The following PSG8 variants were observed in gnomAD, a reference collection of about 807,000 sequenced individuals.
The protein encoded by PSG8 is pregnancy specific beta-1-glycoprotein 8, also known as pregnancy-specific beta-1-glycoprotein 8.
A neutral mutation model predicts 42.5 loss-of-function variants in PSG8; 57 were observed. That is an observed-to-expected ratio of 1.34 (90% CI 1.08 to 1.67). PSG8 has a LOEUF of 1.67. PSG8 is among the 40% of genes most tolerant of loss of function. The probability of loss-of-function intolerance (pLI) is 0.00; values close to 1 mark genes in which losing one functional copy is unlikely to be tolerated. For synonymous variants in PSG8, 280 were observed against 196.8 expected, an observed-to-expected ratio of 1.42 and a Z score of -3.54; for missense variants, 783 against 518.6, an observed-to-expected ratio of 1.51 and a Z score of -4.95.
intron 2 of PSG8, among the ~76,000 whole-genome samples, chr19:42,761,225 G>A (rs1970065164): frequency 6.6e-6 from 1 of 152,096 alleles, no homozygotes; most frequent in Non-Finnish European, 1.5e-5. Context: ...GCTAACCTTG[G>A]GAGGAATTTA....
At position 42,754,358 on chromosome 19, in the gene PSG8, G is replaced by T. The variant is rs1969855937; in HGVS notation, c.1218C>A (p.Ser406=). 2 of 1,613,814 alleles carry T rather than the reference G, an allele frequency of 1.2e-6. No individual in the cohort carries two copies. The highest frequency in any genetic ancestry group is 1.7e-6 in the Non-Finnish European group (2 of 1,179,796). The part of the protein sequence containing the change: ...VRNSATGKES[S]KSMTVKVSGK... Reference sequence around the variant, plus strand: ...CAGAGACTTTTACTGTCATGGATTTGGAGCTTTCCTTGCCAGTGGCTGAGT... The same window carrying T: ...CAGAGACTTTTACTGTCATGGATTTTGAGCTTTCCTTGCCAGTGGCTGAGT... Residue 406 remains serine (S), a synonymous_variant, in exon 5 of 5, where the codon TCC becomes TCA. Coordinates refer to ENST00000306511, the MANE Select transcript of PSG8 (RefSeq NM_182707.3).
chr19:42,754,067 A>G (rs1268749769), downstream of PSG8: 15 of 1,079,184 alleles, frequency 1.4e-5, no homozygotes, highest in Admixed American at 5.6e-5. Flanking sequence ...AATCATAAAA[A>G]CATTATCCTC....
chr19:42,764,967 C>T (rs191134744), intron 1 of PSG8, among the ~76,000 whole-genome samples: 4 of 152,038 alleles, frequency 2.6e-5, no homozygotes, highest in East Asian at 1.9e-4. Flanking sequence ...TCATCTGATA[C>T]AGTTATTATT....
At chr19:42,765,178 A>G (rs1275794585) in intron 1 of PSG8, among the ~76,000 whole-genome samples, 3 of 142,150 alleles carry the variant, frequency 2.1e-5, no homozygotes, top group Non-Finnish European at 4.5e-5. Context: ...TTTGAGATGG[A>G]GTCTCATACT....
chr19:42,757,980 C>G, intron 3 of PSG8, 22 bp downstream of exon 3: 1 of 1,614,030 alleles, frequency 6.2e-7, no homozygotes, highest in South Asian at 1.1e-5. Flanking sequence ...GCCTGGCTCA[C>G]AGAGGAACAG....
In PSG8 at chr19:42,754,347, G is replaced by C. The variant is rs753777211; in HGVS notation, c.1229C>G (p.Thr410Arg). ...ATGKESSKSM[T>R]VKVSGKRIPV... is the part of the protein sequence containing the mutation. ...GATCCGCTTACCAGAGACTTTTACT[G>C]TCATGGATTTGGAGCTTTCCTTGCC... Residue 410 changes from threonine to arginine, a missense_variant, in exon 5 of 5, where the codon ACA (threonine) becomes AGA (arginine). By Grantham distance (71) the Thr-to-Arg change is moderately conservative (BLOSUM62 -1). Transcript: ENST00000306511. 1.3e-5 allele frequency: 21 copies of C among 1,613,812 alleles called. No individual in the cohort carries two copies. In the East Asian group the frequency reaches 4.7e-4, roughly 36 times the overall value.
intron 2 of PSG8, among the ~76,000 whole-genome samples, chr19:42,762,397 A>G (rs1017203844): frequency 1.3e-5 from 2 of 152,082 alleles, no homozygotes; most frequent in Admixed American, 1.3e-4. Context: ...GGGTGGCTTT[A>G]GGGGCAAGAG....
At chr19:42,763,217 G>T (rs1447589691) in intron 2 of PSG8, among the ~76,000 whole-genome samples, 2 of 151,120 alleles carry the variant, frequency 1.3e-5, no homozygotes, top group South Asian at 4.1e-4. Flanking sequence ...CTTCTCTCTT[G>T]TGTTTCTGCT....
intron 3 of PSG8, among the ~76,000 whole-genome samples, chr19:42,756,621 C>T (rs1399104053): frequency 6.6e-6 from 1 of 151,940 alleles, no homozygotes; most frequent in Non-Finnish European, 1.5e-5. Context: ...ATATTCTTGC[C>T]CTTTTTTTTT....
intron 2 of PSG8, among the ~76,000 whole-genome samples, chr19:42,761,001 A>G (rs940686652): frequency 6.6e-6 from 1 of 152,182 alleles, no homozygotes; most frequent in Non-Finnish European, 1.5e-5. Context: ...GTCTCTAGGA[A>G]GTGACCAGAG....
At chr19:42,755,811 A>T (rs940075362) in intron 3 of PSG8, 8 of 160,880 alleles carry the variant, frequency 5.0e-5, no homozygotes, top group African/African-American at 1.7e-4. Flanking sequence ...ACCAGAATCA[A>T]GCCTGGAGGT....
intron 2 of PSG8, chr19:42,758,585 C>A (rs1419701370): frequency 1.3e-5 from 6 of 477,202 alleles, no homozygotes; most frequent in Admixed American, 3.6e-5. Context: ...CCGTCTCCAA[C>A]TGCCTGCCTG....
chr19:42,762,722 A>G (rs748058116), intron 2 of PSG8, among the ~76,000 whole-genome samples: 8 of 152,012 alleles, frequency 5.3e-5, no homozygotes, highest in South Asian at 2.1e-4. Flanking sequence ...GGAGGCCTGG[A>G]CATGTTTTTT....
intron 2 of PSG8, 130 bp from the exon 3 acceptor site, chr19:42,758,410 T>C (rs1171526587): frequency 6.6e-7 from 1 of 1,515,654 alleles, no homozygotes. Flanking sequence ...GGCAGGTGTG[T>C]GTGTTGCAAG....
At chr19:42,757,289 C>A (rs185316180) in intron 3 of PSG8, among the ~76,000 whole-genome samples, 2 of 152,184 alleles carry the variant, frequency 1.3e-5, no homozygotes, top group African/African-American at 4.8e-5. Flanking sequence ...TCCCTGATAA[C>A]TAGATAGACT....
At chr19:42,764,396 A>T in intron 1 of PSG8, 115 bp from the exon 2 acceptor site, 1 of 1,476,134 alleles carries the variant, frequency 6.8e-7, no homozygotes. Flanking sequence ...ACACAGACAC[A>T]CACACATACA....
chr19:42,753,810 A>T, downstream of PSG8: 1 of 433,246 alleles, frequency 2.3e-6, no homozygotes, highest in South Asian at 1.8e-5. Flanking sequence ...GTGTCCTGTT[A>T]CAAAGAGAGC....
downstream of PSG8, chr19:42,754,045 T>C (rs1969846458): frequency 9.8e-7 from 1 of 1,024,272 alleles, no homozygotes; most frequent in Admixed American, 2.9e-5. Context: ...AATCAGCAAA[T>C]TTTCAAATGA....
At chr19:42,761,757 C>T (rs1970079729) in intron 2 of PSG8, among the ~76,000 whole-genome samples, 1 of 151,666 alleles carries the variant, frequency 6.6e-6, no homozygotes, top group South Asian at 2.1e-4. Flanking sequence ...AAACCTCTGT[C>T]CTCCTGTTTG....
Sources: allele counts gnomAD v4.1 joint callset (sites outside exome capture counted in the v4.1 genomes callset), GRCh38; gene constraint gnomAD v4.1.1; transcripts MANE v1.5; gene names NCBI Gene and HGNC (gene_info 2026-07-23, HGNC 2026-07-21).